The following PLEKHD1 variants were observed in gnomAD, a reference collection of about 807,000 sequenced individuals.
The protein encoded by PLEKHD1 is pleckstrin homology domain-containing family D member 1.
PLEKHD1 carries 51 observed loss-of-function variants against 69.2 expected under a neutral mutation model. That is an observed-to-expected ratio of 0.74 (90% CI 0.59 to 0.93). The LOEUF is 0.93. PLEKHD1 is among the 40% of genes least tolerant of loss of function. The pLI is 0.00. For synonymous variants in PLEKHD1, 236 were observed against 244.7 expected (o/e 0.96, Z 0.33); for missense variants, 584 against 641.0 (o/e 0.91, Z 0.96).
chr14:69,475,451 A>G, the PLEKHD1 span, among the ~76,000 whole-genome samples: 22 of 152,242 alleles, frequency 1.4e-4, no homozygotes, highest in African/African-American at 4.3e-4. Flanking sequence ...ACAGGGTGGC[A>G]TGGTTTTCCA....
At chr14:69,478,713 AC>A in the PLEKHD1 span, among the ~76,000 whole-genome samples, 1 of 152,202 alleles carries the variant, frequency 6.6e-6, no homozygotes, top group Non-Finnish European at 1.5e-5. Flanking sequence ...TCCATCTGAG[AC>A]CACCTCAGCC....
chr14:69,479,676 A>G, the PLEKHD1 span, among the ~76,000 whole-genome samples: 2 of 152,168 alleles, frequency 1.3e-5, no homozygotes, highest in Non-Finnish European at 2.9e-5. Flanking sequence ...AAAGTTGGAC[A>G]TGAAGCAAGT....
chr14:69,527,131 G>A, intron 10 of PLEKHD1, 57 bp from the exon 11 acceptor site: 1 of 1,479,574 alleles, frequency 6.8e-7, no homozygotes, highest in Non-Finnish European at 9.0e-7. Context: ...TTCCAGGGAA[G>A]ATGGCAGCTA....
chr14:69,513,687 A>G (rs1015538627), intron 6 of PLEKHD1, among the ~76,000 whole-genome samples: 8 of 152,170 alleles, frequency 5.3e-5, no homozygotes, highest in South Asian at 2.1e-4. Flanking sequence ...TCACTCTCCA[A>G]TGCTCTTCCT....
the PLEKHD1 span, among the ~76,000 whole-genome samples, chr14:69,474,385 G>A: frequency 9.2e-5 from 14 of 152,246 alleles, no homozygotes; most frequent in South Asian, 1.2e-3. Context: ...ACCGGTTCGC[G>A]ACCATGGGCC....
In PLEKHD1 at chr14:69,495,917, G is replaced by A. The variant is rs112309311; in HGVS notation, c.150-4198G>A. The stretch of plus-strand genomic sequence containing the variant: ...TCTATGTCTCATTTATTCGTCATCC[G>A]ACACCCACTACATGCAAGTAGTGTA... On this transcript the variant is annotated intron_variant, in intron 1 of 12. Coordinates refer to ENST00000322564, the MANE Select transcript of PLEKHD1 (RefSeq NM_001161498.2). Among the ~76,000 whole-genome samples, 876 of 152,208 alleles carry A rather than the reference G, an allele frequency of 5.8e-3. 7 individuals carry two copies. The highest frequency in any genetic ancestry group is 0.017 in the African/African-American group (710 of 41,524).
intron 6 of PLEKHD1, chr14:69,503,335 G>A (rs1048701015): frequency 1.0e-5 from 2 of 196,662 alleles, no homozygotes; most frequent in South Asian, 9.8e-5. Flanking sequence ...AGACTGGAGG[G>A]TAAAGGAGAC....
At chr14:69,492,449 T>C (rs988158900) in intron 1 of PLEKHD1, among the ~76,000 whole-genome samples, 3 of 152,248 alleles carry the variant, frequency 2.0e-5, no homozygotes, top group Non-Finnish European at 4.4e-5. Context: ...AATGTTGCAG[T>C]CTACTCTCCT....
intron 5 of PLEKHD1, 21 bp downstream of exon 5, chr14:69,501,846 C>T: frequency 1.3e-6 from 2 of 1,535,008 alleles, no homozygotes; most frequent in East Asian, 2.5e-5. Flanking sequence ...GGGGTGGTTC[C>T]CTAATGGTAG....
At position 69,520,522 on chromosome 14, in the gene PLEKHD1, A is replaced by G. The variant is rs552831705; in HGVS notation, c.556-1761A>G. ...GGTGGGCAGATCACCTGAGGTCAGG[A>G]GTTCGAGACCAGCCTGGCCAACCTG... On this transcript the variant is annotated intron_variant, in intron 6 of 12. Coordinates refer to ENST00000322564, the MANE Select transcript of PLEKHD1 (RefSeq NM_001161498.2). 4.6e-5 allele frequency among the ~76,000 whole-genome samples: 7 copies of G among 152,216 alleles called. No homozygotes were observed. The East Asian group carries it at 1.2e-3, about 25-fold the overall frequency.
At chr14:69,492,901 C>G (rs1157932077) in intron 1 of PLEKHD1, among the ~76,000 whole-genome samples, 1 of 152,134 alleles carries the variant, frequency 6.6e-6, no homozygotes, top group Non-Finnish European at 1.5e-5. Context: ...TCCCAAGTAG[C>G]TAGGACCACA....
At chr14:69,519,884 G>A (rs965990764) in intron 6 of PLEKHD1, among the ~76,000 whole-genome samples, 2 of 152,042 alleles carry the variant, frequency 1.3e-5, no homozygotes, top group Non-Finnish European at 2.9e-5. Context: ...GCGCCTGGCC[G>A]CGCACGGTGG....
chr14:69,526,700 G>A lies in PLEKHD1; in HGVS notation c.927G>A (p.Met309Ile). Residue 309 changes from methionine to isoleucine, a missense_variant, in exon 10 of 13, where the codon ATG becomes ATA. Met to Ile is a conservative substitution (Grantham distance 10). Coordinates refer to ENST00000322564, the MANE Select transcript of PLEKHD1 (RefSeq NM_001161498.2). The stretch of plus-strand genomic sequence containing the variant: ...AGTGCCTCTTCTGTCCCTACAGGAT[G>A]AAGGAGAACGAGGAGCGCTCACGGG... ...LEEKLLAEKR[M>I]KENEERSRAL... 6.5e-7 allele frequency: 1 copy of A among 1,528,820 alleles called. No homozygotes were observed. Among genetic ancestry groups the A allele is most frequent in the South Asian group, 1.2e-5 (1 of 80,724 alleles). The allele number at this position is 1,528,820 out of a possible 1,614,324, so 94.7% of individuals were successfully genotyped here. A position where few individuals can be genotyped will look rare whatever the true frequency, so the allele number is the denominator to read the frequency against.
intron 1 of PLEKHD1, among the ~76,000 whole-genome samples, chr14:69,486,101 C>G (rs911405121): frequency 1.3e-5 from 2 of 152,174 alleles, no homozygotes; most frequent in African/African-American, 2.4e-5. Context: ...CCCTGTCCAG[C>G]CCTTCCGCGG....
intron 1 of PLEKHD1, among the ~76,000 whole-genome samples, chr14:69,491,293 A>C (rs914922796): frequency 2.0e-5 from 3 of 152,188 alleles, no homozygotes; most frequent in African/African-American, 4.8e-5. Context: ...TGTGGCAAAG[A>C]GGAGGGCAGA....
chr14:69,492,155 G>T (rs989174394), intron 1 of PLEKHD1, among the ~76,000 whole-genome samples: 1 of 152,060 alleles, frequency 6.6e-6, no homozygotes, highest in East Asian at 1.9e-4. Flanking sequence ...CTGCACCACT[G>T]CCCACCCTTT....
At chr14:69,499,175 C>T (rs183914341) in intron 1 of PLEKHD1, among the ~76,000 whole-genome samples, 8 of 151,946 alleles carry the variant, frequency 5.3e-5, no homozygotes, top group Admixed American at 2.6e-4. Flanking sequence ...ATGAGCCCAT[C>T]TGAGCTGGCT....
chr14:69,506,643 G>A lies in PLEKHD1; in HGVS notation c.555+3764G>A, dbSNP rs111974617. Among the ~76,000 whole-genome samples, 182 of 152,242 alleles carry A rather than the reference G, an allele frequency of 1.2e-3. 1 individual carries two copies. Among genetic ancestry groups the A allele is most frequent in the African/African-American group, 4.2e-3 (176 of 41,538 alleles). On this transcript the variant is annotated intron_variant, in intron 6 of 12. Transcript: ENST00000322564. ...TACAGAGATTTTCCACATAACACTTGTTCCCCACAGGGTTCCCCACTGTCA... is the reference window on the plus strand; with the variant it reads ...TACAGAGATTTTCCACATAACACTTATTCCCCACAGGGTTCCCCACTGTCA...
the PLEKHD1 span, among the ~76,000 whole-genome samples, chr14:69,476,173 C>T: frequency 6.7e-6 from 1 of 150,310 alleles, no homozygotes; most frequent in Non-Finnish European, 1.5e-5. Context: ...CATGAGAATC[C>T]CCTGAACCCA....
Sources: gnomAD v4.1 joint callset for allele counts (sites outside exome capture counted in the v4.1 genomes callset) on GRCh38, gnomAD v4.1.1 for gene constraint, MANE v1.5 for transcripts, NCBI Gene and HGNC (gene_info 2026-07-23, HGNC 2026-07-21) for gene names.